Variants in MAGI2 observed in about 807,000 individuals in gnomAD.
The protein encoded by MAGI2 is membrane associated guanylate kinase, WW and PDZ domain containing 2, also known as membrane-associated guanylate kinase, WW and PDZ domain-containing protein 2.
MAGI2 carries 35 observed loss-of-function variants against 133.3 expected under a neutral mutation model. That is an observed-to-expected ratio of 0.26 (90% confidence interval 0.20 to 0.35). MAGI2 has a LOEUF of 0.35. Among genes scored for constraint, MAGI2 ranks in the 10% least tolerant of loss-of-function variants. The pLI, the probability that MAGI2 is intolerant of heterozygous loss-of-function variation, is 1.00. For synonymous variants in MAGI2, 729 were observed against 710.6 expected (o/e 1.03, Z -0.41); for missense variants, 1,636 against 1,863.4 (o/e 0.88, Z 2.25).
At chr7:78,496,070 T>C (rs62467108) in intron 5 of MAGI2, among the ~76,000 whole-genome samples, 7,395 of 152,298 alleles carry the variant, frequency 0.049, 226 homozygotes, top group Middle Eastern at 0.12. Flanking sequence ...AAGTATTTTA[T>C]CTTTTCTTTA....
At chr7:78,497,607 G>A (rs1794207478) in intron 5 of MAGI2, among the ~76,000 whole-genome samples, 1 of 152,050 alleles carries the variant, frequency 6.6e-6, no homozygotes, top group Non-Finnish European at 1.5e-5. Context: ...AAAAAGACAA[G>A]TAAATGGAAT....
At chr7:78,377,738 A>T (rs4730251) in intron 6 of MAGI2, among the ~76,000 whole-genome samples, 124,026 of 151,406 alleles carry the variant, frequency 0.82, 50,912 homozygotes, top group Admixed American at 0.86. Context: ...GTGCTCATGA[A>T]CTAAAAAATG....
chr7:78,505,932 A>T (rs1370378704), intron 4 of MAGI2, among the ~76,000 whole-genome samples: 2 of 74,646 alleles, frequency 2.7e-5, no homozygotes, highest in East Asian at 7.2e-4. Context: ...CTCTGAAGGT[A>T]AGGGAGAAAT....
chr7:79,137,321 C>G (rs926625466), intron 1 of MAGI2, among the ~76,000 whole-genome samples: 2 of 152,112 alleles, frequency 1.3e-5, no homozygotes, highest in Non-Finnish European at 2.9e-5. Flanking sequence ...AGGCATGTAA[C>G]TCTCTAATGG....
chr7:79,264,678 A>G (rs191599641), intron 1 of MAGI2, among the ~76,000 whole-genome samples: 1 of 152,218 alleles, frequency 6.6e-6, no homozygotes, highest in African/African-American at 2.4e-5. Flanking sequence ...GGAATTCCTG[A>G]GAGTGGGTGA....
chr7:78,313,375 G>A (rs1377513515), intron 9 of MAGI2, among the ~76,000 whole-genome samples: 1 of 151,884 alleles, frequency 6.6e-6, no homozygotes, highest in Admixed American at 6.6e-5. Context: ...CATCTTGGAG[G>A]AAAAATGACA....
At chr7:78,601,841 C>T (rs1024482554) in intron 3 of MAGI2, among the ~76,000 whole-genome samples, 6 of 152,098 alleles carry the variant, frequency 3.9e-5, no homozygotes, top group South Asian at 2.1e-4. Flanking sequence ...TAAGTTTGGA[C>T]GGCTTGTATA....
At chr7:79,234,804 A>G (rs993129952) in intron 1 of MAGI2, among the ~76,000 whole-genome samples, 9 of 151,194 alleles carry the variant, frequency 6.0e-5, no homozygotes, top group Admixed American at 1.3e-4. Context: ...CGTCAAAGTC[A>G]TTCTCCATCC....
chr7:78,401,135 C>T (rs1324535522), intron 6 of MAGI2, among the ~76,000 whole-genome samples: 1 of 151,878 alleles, frequency 6.6e-6, no homozygotes, highest in East Asian at 1.9e-4. Flanking sequence ...TGCTTTTAGT[C>T]CCCTTCGCAA....
intron 2 of MAGI2, among the ~76,000 whole-genome samples, chr7:78,924,856 T>C (rs72612603): frequency 0.052 from 7,639 of 146,418 alleles, 463 homozygotes; most frequent in East Asian, 0.17. Flanking sequence ...ATTACTACTA[T>C]TATTATTATT....
At chr7:78,206,386 G>A (rs1829747234) in intron 10 of MAGI2, among the ~76,000 whole-genome samples, 1 of 151,022 alleles carries the variant, frequency 6.6e-6, no homozygotes, top group Non-Finnish European at 1.5e-5. Flanking sequence ...CCGCCTCCCG[G>A]GTTCCAGCGA....
chr7:79,123,621 A>T (rs1820107182), intron 1 of MAGI2, among the ~76,000 whole-genome samples: 1 of 151,934 alleles, frequency 6.6e-6, no homozygotes, highest in Admixed American at 6.6e-5. Context: ...CCTCATCTCT[A>T]CTAAAAATAC....
intron 1 of MAGI2, among the ~76,000 whole-genome samples, chr7:79,394,931 A>G (rs1295704490): frequency 6.6e-6 from 1 of 152,226 alleles, no homozygotes; most frequent in Non-Finnish European, 1.5e-5. Flanking sequence ...TGAAGAACAA[A>G]TGTGCTCTGA....
intron 1 of MAGI2, among the ~76,000 whole-genome samples, chr7:79,203,568 A>C (rs1828791366): frequency 6.6e-6 from 1 of 152,046 alleles, no homozygotes; most frequent in South Asian, 2.1e-4. Flanking sequence ...TTGGTGCTTC[A>C]GTAACCACTA....
Position 79,363,281 on chromosome 7 carries a change from T to C in MAGI2, c.301+89739A>G, listed in dbSNP as rs57210884. 8.5e-3 allele frequency among the ~76,000 whole-genome samples: 1,267 copies of C among 149,832 alleles called. 11 individuals carry two copies. Among genetic ancestry groups the C allele is most frequent in the African/African-American group, 0.03 (1,216 of 41,118 alleles). ...TAATGCTGATCAAATAAATACATGCTGATTAAAATGCTGATCTTCCAATAC... is the reference window on the plus strand; with the variant it reads ...TAATGCTGATCAAATAAATACATGCCGATTAAAATGCTGATCTTCCAATAC... On this transcript the variant is annotated intron_variant, in intron 1 of 21. Transcript: ENST00000354212.
chr7:78,225,245 CT>C (rs1330163999), intron 10 of MAGI2, among the ~76,000 whole-genome samples: 1 of 152,194 alleles, frequency 6.6e-6, no homozygotes, highest in Non-Finnish European at 1.5e-5. Flanking sequence ...AGCAGGTTGC[CT>C]CTCAGACCAT....
At chr7:79,032,553 C>T (rs1810706989) in intron 1 of MAGI2, among the ~76,000 whole-genome samples, 1 of 150,538 alleles carries the variant, frequency 6.6e-6, no homozygotes, top group Admixed American at 6.6e-5. Context: ...GGGCACATTA[C>T]CCATTATGAG....
chr7:78,882,086 CAA>C lies in MAGI2; in HGVS notation c.418+125002_418+125003del, dbSNP rs771918590. 6.4e-4 allele frequency among the ~76,000 whole-genome samples: 8 copies of C among 12,466 alleles called. 1 individual carries two copies. In the East Asian group the frequency reaches 0.019, roughly 30 times the overall value. The allele number at this position is 12,466 out of a possible 152,430, so 8.2% of individuals were successfully genotyped here. A position where few individuals can be genotyped will look rare whatever the true frequency, so the allele number is the denominator to read the frequency against. On this transcript the variant is annotated intron_variant, in intron 2 of 21. Transcript: ENST00000354212. ...GCTAGATTAACAACAACAACAACAA[CAA>C]AAAAAAAAAAAAAAAAAAAAGAAAA...
chr7:79,031,546 A>G (rs1810575388), intron 1 of MAGI2, among the ~76,000 whole-genome samples: 1 of 152,198 alleles, frequency 6.6e-6, no homozygotes, highest in African/African-American at 2.4e-5. Context: ...TGAGAGCTCA[A>G]TCTGGACAAC....
Sources: gnomAD v4.1 joint callset for allele counts (sites outside exome capture counted in the v4.1 genomes callset) on GRCh38, gnomAD v4.1.1 for gene constraint, MANE v1.5 for transcripts, NCBI Gene and HGNC (gene_info 2026-07-23, HGNC 2026-07-21) for gene names.